The following EPM2A variants were observed in gnomAD, a reference collection of about 807,000 sequenced individuals.
The protein encoded by EPM2A is EPM2A glucan phosphatase, laforin, also known as laforin.
Under a neutral mutation model 26.5 loss-of-function variants are expected in EPM2A, and 21 were observed. That is an observed-to-expected ratio of 0.79 (90% CI 0.56 to 1.14). The LOEUF (loss-of-function observed/expected upper bound fraction) is 1.14, where lower values mean the gene tolerates loss of function less well. Ranked by LOEUF, EPM2A falls within the 50% of genes most tolerant of loss-of-function variation. The pLI, the probability that EPM2A is intolerant of heterozygous loss-of-function variation, is 0.00. For synonymous variants in EPM2A, 217 were observed against 177.6 expected (o/e 1.22, Z -1.76); for missense variants, 458 against 440.8 (o/e 1.04, Z -0.35).
chr6:145,512,585 G>A (rs1370715988), intron 2 of EPM2A, among the ~76,000 whole-genome samples: 2 of 151,360 alleles, frequency 1.3e-5, no homozygotes, highest in Non-Finnish European at 2.9e-5. Context: ...GGTGGTGGGC[G>A]CCTGTAATCC....
At chr6:145,454,119 T>A (rs1178677213) in intron 4 of EPM2A, among the ~76,000 whole-genome samples, 2 of 152,204 alleles carry the variant, frequency 1.3e-5, no homozygotes, top group Non-Finnish European at 2.9e-5. Flanking sequence ...ATGAAAGATT[T>A]CAAAATTCAG....
At chr6:145,717,371 T>C (rs1386686886) in intron 1 of EPM2A, among the ~76,000 whole-genome samples, 2 of 152,160 alleles carry the variant, frequency 1.3e-5, no homozygotes, top group East Asian at 1.9e-4. Flanking sequence ...AAAAACCACA[T>C]GATTATCTCA....
At chr6:145,412,914 G>A (rs1052930625) in intron 4 of EPM2A, among the ~76,000 whole-genome samples, 1 of 152,114 alleles carries the variant, frequency 6.6e-6, no homozygotes, top group Non-Finnish European at 1.5e-5. Flanking sequence ...GTTCTCTGCT[G>A]GTTGGTTTCC....
intron 4 of EPM2A, among the ~76,000 whole-genome samples, chr6:145,432,465 G>T (rs1445243984): frequency 6.6e-6 from 1 of 150,994 alleles, no homozygotes; most frequent in Non-Finnish European, 1.5e-5. Context: ...GCTCTTGAGT[G>T]ACCAGCTACA....
chr6:145,554,458 A>G (rs572189861), intron 2 of EPM2A, among the ~76,000 whole-genome samples: 1 of 152,158 alleles, frequency 6.6e-6, no homozygotes, highest in South Asian at 2.1e-4. Flanking sequence ...ATAGATAGAT[A>G]GATAGATAGA....
chr6:145,734,081 A>G (rs1776668404), intron 1 of EPM2A, among the ~76,000 whole-genome samples: 2 of 152,352 alleles, frequency 1.3e-5, no homozygotes, highest in Admixed American at 1.3e-4. Context: ...TTTTGACCTA[A>G]TAATTTCACT....
Position 145,549,133 on chromosome 6 carries a change from C to T in EPM2A, c.341-46558G>A, listed in dbSNP as rs1021289815. On this transcript the variant is annotated intron_variant, in intron 2 of 3. Transcript: ENST00000450221. ...AAAGATAACATAAAAACCCTCAGGGCAAAATTACTCAGCAAGAGGCCAAAG... is the reference window on the plus strand; with the variant it reads ...AAAGATAACATAAAAACCCTCAGGGTAAAATTACTCAGCAAGAGGCCAAAG... Among the ~76,000 whole-genome samples, 4 of 152,132 alleles carry T rather than the reference C, an allele frequency of 2.6e-5. No individual in the cohort carries two copies. The South Asian group carries it at 6.2e-4, about 24-fold the overall frequency.
At chr6:145,498,321 G>T (rs1779846893), downstream of EPM2A, among the ~76,000 whole-genome samples, 2 of 152,204 alleles carry the variant, frequency 1.3e-5, no homozygotes, top group Admixed American at 1.3e-4. Context: ...GACCAATGCT[G>T]CTTGGACCCC....
At chr6:145,679,855 G>A (rs2068029) in intron 2 of EPM2A, among the ~76,000 whole-genome samples, 1,647 of 152,226 alleles carry the variant, frequency 0.011, 13 homozygotes, top group Admixed American at 0.018. Context: ...TCTGCGAACT[G>A]TTTGGTTGTT....
intron 4 of EPM2A, among the ~76,000 whole-genome samples, chr6:145,485,474 T>A (rs1779659978): frequency 6.6e-6 from 1 of 151,994 alleles, no homozygotes; most frequent in African/African-American, 2.4e-5. Flanking sequence ...TGGGAGAGGA[T>A]AGCATTCAGG....
At position 145,459,449 on chromosome 6, in the gene EPM2A, C is replaced by A. The variant is rs9403705; in HGVS notation, c.555+43073G>T. On this transcript the variant is annotated intron_variant, in intron 4 of 4. Coordinates refer to the EPM2A transcript ENST00000638717. ...GAGAGGTTGTTTGTTTATTACACTT[C>A]CATATTTATTCATCCAAATTGTTCA... 9.9e-5 allele frequency among the ~76,000 whole-genome samples: 15 copies of A among 152,272 alleles called. No homozygotes were observed. In the East Asian group the frequency reaches 1.7e-3, roughly 18 times the overall value.
intron 1 of EPM2A, among the ~76,000 whole-genome samples, chr6:145,698,970 A>C (rs1445265168): frequency 6.6e-6 from 1 of 152,196 alleles, no homozygotes; most frequent in Non-Finnish European, 1.5e-5. Context: ...ACCCTGATCT[A>C]TGACTTCTAG....
At chr6:145,672,625 C>A (rs115651804) in intron 2 of EPM2A, among the ~76,000 whole-genome samples, 1 of 152,250 alleles carries the variant, frequency 6.6e-6, no homozygotes, top group Non-Finnish European at 1.5e-5. Flanking sequence ...TTTCCCTCCC[C>A]AGTCCTAGCA....
intron 2 of EPM2A, chr6:145,680,266 C>A (rs1386836043): frequency 6.6e-6 from 1 of 150,526 alleles, no homozygotes; most frequent in Non-Finnish European, 1.5e-5. Context: ...TATGCCTTGG[C>A]TAAAAATCAA....
intron 2 of EPM2A, among the ~76,000 whole-genome samples, chr6:145,547,873 T>TG (rs1780606064): frequency 6.6e-6 from 1 of 152,110 alleles, no homozygotes; most frequent in African/African-American, 2.4e-5. Context: ...TCCTTTTAAA[T>TG]ATTTTTCCTA....
chr6:145,491,284 A>G (rs767899922), intron 4 of EPM2A: 23 of 356,268 alleles, frequency 6.5e-5, no homozygotes, highest in Non-Finnish European at 1.0e-4. Context: ...AACTCTACTC[A>G]TTGGAACCGG....
At chr6:145,731,385 G>A (rs1031275429) in intron 1 of EPM2A, among the ~76,000 whole-genome samples, 6 of 152,098 alleles carry the variant, frequency 3.9e-5, no homozygotes, top group African/African-American at 7.2e-5. Context: ...ACCAGATACT[G>A]GAGAAAAATC....
At chr6:145,468,594 A>G (rs1455475321) in intron 4 of EPM2A, among the ~76,000 whole-genome samples, 1 of 151,766 alleles carries the variant, frequency 6.6e-6, no homozygotes, top group Non-Finnish European at 1.5e-5. Flanking sequence ...GAAGAATAAA[A>G]CTAGACCTCT....
In EPM2A at chr6:145,576,276, A is replaced by G. The variant is rs141880178; in HGVS notation, c.340+58969T>C. Among the ~76,000 whole-genome samples, 140 of 152,314 alleles carry G rather than the reference A, an allele frequency of 9.2e-4. 1 individual carries two copies. Among genetic ancestry groups the G allele is most frequent in the African/African-American group, 3.3e-3 (137 of 41,562 alleles). On this transcript the variant is annotated intron_variant, in intron 2 of 3. Transcript: ENST00000450221. ...AAAGAATTAACTCCTGGTAATCAAA[A>G]ATTTCTGAAAAATGCTGCTCTCCGC...
Sources: allele counts gnomAD v4.1 joint callset (sites outside exome capture counted in the v4.1 genomes callset), GRCh38; gene constraint gnomAD v4.1.1; transcripts MANE v1.5; gene names NCBI Gene and HGNC (gene_info 2026-07-23, HGNC 2026-07-21).